Variants in RFX3 observed in about 807,000 individuals in gnomAD.
The protein encoded by RFX3 is regulatory factor X3.
Under a neutral mutation model 98.6 loss-of-function variants are expected in RFX3, and 14 were observed. The ratio of observed to expected loss-of-function variants is 0.14; its 90% CI spans 0.09 to 0.22. The LOEUF (loss-of-function observed/expected upper bound fraction) is 0.22. RFX3 is among the 10% of genes least tolerant of loss of function. The pLI is 1.00. For missense variants in RFX3, 639 were observed against 926.9 expected (o/e 0.69, Z 4.03); for synonymous variants, 383 against 328.4 (o/e 1.17, Z -1.80).
intron 4 of RFX3, among the ~76,000 whole-genome samples, chr9:3,303,223 T>C (rs2130143008): frequency 6.6e-6 from 1 of 151,882 alleles, no homozygotes; most frequent in Admixed American, 6.6e-5. Context: ...ACAGAAAGAG[T>C]AATGTAAATG....
intron 2 of RFX3, among the ~76,000 whole-genome samples, chr9:3,394,313 A>G (rs1840631118): frequency 6.6e-6 from 1 of 152,124 alleles, no homozygotes; most frequent in Non-Finnish European, 1.5e-5. Context: ...AATACAAAAA[A>G]TTAGCCAGGC....
intron 2 of RFX3, among the ~76,000 whole-genome samples, chr9:3,374,937 A>G (rs7850570): frequency 0.27 from 41,520 of 152,006 alleles, 7,132 homozygotes; most frequent in African/African-American, 0.49. Flanking sequence ...ATTAGCATTA[A>G]CAACAGTTAC....
intron 14 of RFX3, among the ~76,000 whole-genome samples, chr9:3,248,556 A>G (rs898542238): frequency 8.5e-5 from 13 of 152,232 alleles, no homozygotes; most frequent in Admixed American, 7.9e-4. Context: ...TGAAAATCCT[A>G]TTGATGAAGG....
chr9:3,312,098 G>C (rs1830027868), intron 4 of RFX3, among the ~76,000 whole-genome samples: 1 of 152,160 alleles, frequency 6.6e-6, no homozygotes, highest in South Asian at 2.1e-4. Flanking sequence ...ACTGAATAGA[G>C]TAGAAAATAA....
rs567889117 is a variant in RFX3 at position 3,395,682 on chromosome 9, T to C, written c.-8-86A>G. 3 of 1,409,064 alleles carry C rather than the reference T, an allele frequency of 2.1e-6. No homozygotes were observed. The East Asian group carries it at 7.1e-5, about 33-fold the overall frequency. 87.3% of individuals were successfully genotyped at this position (1,409,064 alleles called of 1,614,324 possible). A position where few individuals can be genotyped will look rare whatever the true frequency, so the allele number is the denominator to read the frequency against. On this transcript the variant is annotated intron_variant, in intron 1 of 16. Transcript: ENST00000617270. ...TACAATTGTTCTTAAAATCCTATAC[T>C]GAAACTAACTTTCAACTCTCATACC...
At chr9:3,366,693 C>CCTTTCTTTCTTTCTTCTTT (rs1837144766) in intron 2 of RFX3, among the ~76,000 whole-genome samples, 1 of 85,452 alleles carries the variant, frequency 1.2e-5, no homozygotes, top group African/African-American at 5.2e-5. Flanking sequence ...TTCTTTCTTT[C>CCTTTCTTTCTTTCTTCTTT]CTTTCTTTCT....
At chr9:3,410,116 A>G (rs1842326120) in intron 1 of RFX3, among the ~76,000 whole-genome samples, 2 of 146,758 alleles carry the variant, frequency 1.4e-5, no homozygotes, top group Admixed American at 6.8e-5. Flanking sequence ...TCACATGAGT[A>G]AGGCTCTGTT....
chr9:3,241,037 T>C (rs1208220390), intron 15 of RFX3, among the ~76,000 whole-genome samples: 2 of 152,214 alleles, frequency 1.3e-5, no homozygotes, highest in Admixed American at 1.3e-4. Flanking sequence ...ACAGTGACCA[T>C]TTTAGTCCTT....
In RFX3 at chr9:3,262,929, G is replaced by A; in HGVS notation, c.1605+6C>T. 1.2e-6 allele frequency: 2 copies of A among 1,612,604 alleles called. No individual in the cohort carries two copies. The highest frequency in any genetic ancestry group is 1.7e-6 in the Non-Finnish European group (2 of 1,179,166). On this transcript the variant is annotated splice_donor_region_variant and intron_variant, in intron 13 of 16. Transcript: ENST00000617270. Reference sequence around the variant, plus strand: ...AAGAGACATGCTTTGCAAGGAAATAGAATACCTGGACATTGGCAAAGTCGA... The same window carrying A: ...AAGAGACATGCTTTGCAAGGAAATAAAATACCTGGACATTGGCAAAGTCGA...
intron 2 of RFX3, among the ~76,000 whole-genome samples, chr9:3,395,269 T>C (rs1840738034): frequency 6.6e-6 from 1 of 152,222 alleles, no homozygotes; most frequent in Admixed American, 6.5e-5. Flanking sequence ...TGAGTATTCA[T>C]TTTTGTATCC....
chr9:3,461,139 T>C (rs919869141), intron 1 of RFX3, among the ~76,000 whole-genome samples: 5 of 151,348 alleles, frequency 3.3e-5, no homozygotes, highest in South Asian at 2.1e-4. Context: ...ACAAAATACA[T>C]GTAGCAAATG....
chr9:3,358,386 T>C (rs1465508334), intron 2 of RFX3, among the ~76,000 whole-genome samples: 8 of 152,134 alleles, frequency 5.3e-5, no homozygotes, highest in Admixed American at 5.2e-4. Context: ...AAGGGTCCCT[T>C]AAAATCATGA....
At chr9:3,400,969 T>C (rs1013990928) in intron 1 of RFX3, among the ~76,000 whole-genome samples, 34 of 152,214 alleles carry the variant, frequency 2.2e-4, no homozygotes, top group African/African-American at 7.0e-4. Context: ...GTACATACAC[T>C]GCTTTGCAAT....
chr9:3,402,422 A>T (rs1433893187), intron 1 of RFX3, among the ~76,000 whole-genome samples: 1 of 152,136 alleles, frequency 6.6e-6, no homozygotes, highest in East Asian at 1.9e-4. Flanking sequence ...TCCTACTTGA[A>T]CCGAATTAAC....
chr9:3,451,864 C>G (rs1199971625), intron 1 of RFX3, among the ~76,000 whole-genome samples: 1 of 149,736 alleles, frequency 6.7e-6, no homozygotes, highest in African/African-American at 2.5e-5. Flanking sequence ...CTGCTACTGA[C>G]TTTGGCTTTC....
chr9:3,287,391 AT>A (rs1187846715), intron 7 of RFX3, among the ~76,000 whole-genome samples: 2 of 151,958 alleles, frequency 1.3e-5, no homozygotes, highest in East Asian at 1.9e-4. Flanking sequence ...GGATTTTTTC[AT>A]TTTGTTTACT....
chr9:3,348,040 A>G (rs138889947), intron 2 of RFX3, among the ~76,000 whole-genome samples: 2 of 152,184 alleles, frequency 1.3e-5, no homozygotes, highest in Non-Finnish European at 2.9e-5. Context: ...GTAAGATCCA[A>G]ACATGGTCTA....
chr9:3,392,639 T>C (rs570232880), intron 2 of RFX3, among the ~76,000 whole-genome samples: 50 of 152,140 alleles, frequency 3.3e-4, no homozygotes, highest in South Asian at 2.1e-4. Flanking sequence ...AAGTTTCTAG[T>C]ACAGTATTTG....
At chr9:3,465,847 G>A (rs1848163539) in intron 1 of RFX3, among the ~76,000 whole-genome samples, 2 of 152,062 alleles carry the variant, frequency 1.3e-5, no homozygotes, top group South Asian at 2.1e-4. Flanking sequence ...ACTCAAAGGA[G>A]ATAGGGGAAC....
Sources: gnomAD v4.1 joint callset for allele counts (sites outside exome capture counted in the v4.1 genomes callset) on GRCh38, gnomAD v4.1.1 for gene constraint, MANE v1.5 for transcripts, NCBI Gene and HGNC (gene_info 2026-07-23, HGNC 2026-07-21) for gene names.